ADHFE1: variants seen among roughly 807,000 people sequenced by gnomAD.
ADHFE1 encodes alcohol dehydrogenase iron containing 1, also known as hydroxyacid-oxoacid transhydrogenase, mitochondrial.
ADHFE1 carries 37 observed loss-of-function variants against 54.8 expected under a neutral mutation model. The ratio of observed to expected loss-of-function variants is 0.68; its 90% CI spans 0.52 to 0.89. The LOEUF (loss-of-function observed/expected upper bound fraction) is 0.89. Ranked by LOEUF, ADHFE1 falls within the 40% of genes least tolerant of loss-of-function variation. ADHFE1 has a pLI of 0.00. For missense variants in ADHFE1, 601 were observed against 591.2 expected (o/e 1.02, Z -0.17); for synonymous variants, 203 against 229.3 (o/e 0.89, Z 1.04).
intron 12 of ADHFE1, among the ~76,000 whole-genome samples, chr8:66,457,863 G>A (rs951160371): frequency 3.3e-5 from 5 of 151,958 alleles, no homozygotes; most frequent in Admixed American, 2.0e-4. Context: ...TGCTATGTTC[G>A]ATAATAAAAT....
At chr8:66,461,637 G>A (rs1806903665) in intron 13 of ADHFE1, among the ~76,000 whole-genome samples, 1 of 151,950 alleles carries the variant, frequency 6.6e-6, no homozygotes, top group African/African-American at 2.4e-5. Context: ...AAGCCAGAAA[G>A]CACGTGACCC....
intron 1 of ADHFE1, among the ~76,000 whole-genome samples, chr8:66,437,044 G>A (rs1218354294): frequency 3.9e-5 from 6 of 152,094 alleles, no homozygotes; most frequent in Admixed American, 2.0e-4. Flanking sequence ...CGGGGTAAAA[G>A]CTGATGGCAG....
In ADHFE1 at chr8:66,445,342, T is replaced by A; in HGVS notation, c.478T>A (p.Phe160Ile). The part of the protein sequence containing the change: ...NLYASSPHSD[F>I]LDYVSAPIGK... The stretch of plus-strand genomic sequence containing the variant: ...GTATGCATCCAGCCCTCATTCTGAT[T>A]TCCTAGATTATGTCAGTGCCCCCAT... The change falls in exon 6 of 14, where the codon TTC (phenylalanine) becomes ATC (isoleucine). Residue 160 changes from phenylalanine to isoleucine, a missense_variant. Coordinates refer to ENST00000396623, the MANE Select transcript of ADHFE1 (RefSeq NM_144650.3). 1.2e-6 allele frequency: 2 copies of A among 1,614,130 alleles called. No individual in the cohort carries two copies. Among genetic ancestry groups the A allele is most frequent in the Non-Finnish European group, 1.7e-6 (2 of 1,180,006 alleles).
chr8:66,448,804 A>G, intron 7 of ADHFE1, 61 bp from the exon 8 acceptor site: 1 of 1,430,818 alleles, frequency 7.0e-7, no homozygotes, highest in Non-Finnish European at 9.7e-7. Context: ...TCCTGAAGTC[A>G]TTTTTCTTCT....
chr8:66,455,295 G>A (rs979894509), intron 10 of ADHFE1, among the ~76,000 whole-genome samples: 1 of 152,118 alleles, frequency 6.6e-6, no homozygotes, highest in Non-Finnish European at 1.5e-5. Context: ...CATGTGTTGT[G>A]GATTTTTTAA....
rs749868862 is a variant in ADHFE1 at position 66,445,359 on chromosome 8, T to C, written c.495T>C (p.Ser165=). The C allele has an allele frequency of 6.2e-7, 1 of 1,614,004 alleles. No individual in the cohort carries two copies. Among genetic ancestry groups the C allele is most frequent in the Non-Finnish European group, 8.5e-7 (1 of 1,180,046 alleles). ...SPHSDFLDYV[S]APIGKGKPVS... ...ATTCTGATTTCCTAGATTATGTCAG[T>C]GCCCCCATTGGCAAGGGAAAGCCTG... Residue 165 remains serine, a synonymous_variant, in exon 6 of 14, where the codon AGT becomes AGC. Transcript: ENST00000396623.
chr8:66,446,791 A>C (rs951320166), intron 6 of ADHFE1, among the ~76,000 whole-genome samples: 2 of 152,190 alleles, frequency 1.3e-5, no homozygotes, highest in Non-Finnish European at 2.9e-5. Context: ...ATGCTAACAC[A>C]TACAGAGGTC....
At chr8:66,436,223 C>T (rs2555580) in intron 1 of ADHFE1, among the ~76,000 whole-genome samples, 62,281 of 151,978 alleles carry the variant, frequency 0.41, 13,391 homozygotes, top group African/African-American at 0.52. Flanking sequence ...AGCCAGGATT[C>T]TTAATCATAT....
intron 1 of ADHFE1, among the ~76,000 whole-genome samples, chr8:66,435,409 C>T (rs1288670017): frequency 6.6e-6 from 1 of 152,108 alleles, no homozygotes; most frequent in Non-Finnish European, 1.5e-5. Context: ...TTTTTTCCAG[C>T]TTCTAGAGCT....
intron 13 of ADHFE1, among the ~76,000 whole-genome samples, chr8:66,466,484 G>A (rs182140465): frequency 1.2e-3 from 181 of 152,082 alleles, no homozygotes; most frequent in Non-Finnish European, 1.4e-3. Flanking sequence ...TTACATTTAG[G>A]TTTTTGATGC....
intron 13 of ADHFE1, among the ~76,000 whole-genome samples, chr8:66,466,150 T>C (rs2357894): frequency 0.56 from 84,539 of 149,648 alleles, 24,874 homozygotes; most frequent in African/African-American, 0.72. Context: ...CTCACTGCAA[T>C]CTCCACCTCC....
Position 66,448,904 on chromosome 8 carries a change from T to C in ADHFE1, c.668T>C (p.Ile223Thr), listed in dbSNP as rs577285802. ...GCCATCAAACCCACACTGGGACTGA[T>C]TGATCCTCTGCACACCCTCCACATG... ...SRAIKPTLGL[I>T]DPLHTLHMPA... Residue 223 changes from isoleucine to threonine, a missense_variant, in exon 8 of 14, where the codon ATT (isoleucine) becomes ACT (threonine). Coordinates refer to ENST00000396623, the MANE Select transcript of ADHFE1 (RefSeq NM_144650.3). 4.9e-5 allele frequency: 79 copies of C among 1,614,164 alleles called. No individual in the cohort carries two copies. Among genetic ancestry groups the C allele is most frequent in the South Asian group, 2.3e-4 (21 of 91,080 alleles).
Position 66,444,424 on chromosome 8 carries a change from A to G in ADHFE1, c.198+4A>G. 1 of 1,614,062 alleles carries G rather than the reference A, an allele frequency of 6.2e-7. No individual in the cohort carries two copies. The highest frequency in any genetic ancestry group is 8.5e-7 in the Non-Finnish European group (1 of 1,179,914). On this transcript the variant is annotated splice_donor_region_variant and intron_variant, in intron 4 of 13. Transcript: ENST00000396623. ...AGTTACAAAGGAAGTAGGAATGGCA[A>G]GTATTCGAGATGTCTACGGTCTCCT...
intron 13 of ADHFE1, among the ~76,000 whole-genome samples, chr8:66,466,559 T>TA (rs1005076747): frequency 1.3e-4 from 8 of 62,856 alleles, no homozygotes; most frequent in African/African-American, 7.1e-4. Flanking sequence ...ACAAAACAAA[T>TA]ACCTACTGTA....
At chr8:66,446,676 C>A (rs1160836683) in intron 6 of ADHFE1, among the ~76,000 whole-genome samples, 3 of 152,180 alleles carry the variant, frequency 2.0e-5, no homozygotes, top group Non-Finnish European at 4.4e-5. Context: ...AGGCAATATG[C>A]ATATTAAACA....
chr8:66,457,843 A>G (rs1806675038), intron 12 of ADHFE1, among the ~76,000 whole-genome samples: 4 of 152,162 alleles, frequency 2.6e-5, no homozygotes, highest in Admixed American at 6.5e-5. Flanking sequence ...TTAATGTTAT[A>G]AATGACTTTT....
chr8:66,457,085 G>A lies in ADHFE1; in HGVS notation c.1081G>A (p.Val361Met). The A allele has an allele frequency of 1.2e-6, 2 of 1,613,652 alleles. No homozygotes were observed. The highest frequency in any genetic ancestry group is 1.3e-5 in the African/African-American group (1 of 75,018). The change falls in exon 12 of 14, where the codon GTG becomes ATG. Residue 361 changes from valine (V) to methionine (M), a missense_variant. Transcript: ENST00000396623. The stretch of plus-strand genomic sequence containing the variant: ...TTCTCCCCAGCCCCATGGCCTTTCT[G>A]TGGTGCTCACGTCCCCAGCGGTGTT... ...DHPLVPHGLS[V>M]VLTSPAVFTF...
chr8:66,452,386 A>G (rs1024654143), intron 9 of ADHFE1, among the ~76,000 whole-genome samples: 2 of 152,218 alleles, frequency 1.3e-5, no homozygotes, highest in African/African-American at 4.8e-5. Flanking sequence ...TTGGCTCCCC[A>G]GGGCAGAAAT....
intron 10 of ADHFE1, among the ~76,000 whole-genome samples, chr8:66,455,168 A>G (rs192336308): frequency 6.6e-6 from 1 of 152,322 alleles, no homozygotes; most frequent in East Asian, 1.9e-4. Context: ...TTGCTGGGTC[A>G]TATGGTAATT....
Sources: allele counts gnomAD v4.1 joint callset (sites outside exome capture counted in the v4.1 genomes callset), GRCh38; gene constraint gnomAD v4.1.1; transcripts MANE v1.5; gene names NCBI Gene and HGNC (gene_info 2026-07-23, HGNC 2026-07-21).